The following SIRPB2 variants were observed in gnomAD, a reference collection of about 807,000 sequenced individuals.
SIRPB2 encodes signal regulatory protein beta 2.
A neutral mutation model predicts 27.1 loss-of-function variants in SIRPB2; 18 were observed. The observed-to-expected ratio is 0.66, with a 90% CI of 0.46 to 0.98. The LOEUF (loss-of-function observed/expected upper bound fraction) is 0.98, where lower values mean the gene tolerates loss of function less well. Among genes scored for constraint, SIRPB2 ranks in the 50% least tolerant of loss-of-function variants. The probability of loss-of-function intolerance (pLI) is 0.00; values close to 1 mark genes in which losing one functional copy is unlikely to be tolerated. For missense variants in SIRPB2, 420 were observed against 417.4 expected (o/e 1.01, Z -0.06); for synonymous variants, 150 against 164.6 (o/e 0.91, Z 0.68).
chr20:1,485,491 C>G (rs907305900), intron 1 of SIRPB2, among the ~76,000 whole-genome samples: 4 of 151,948 alleles, frequency 2.6e-5, no homozygotes, highest in African/African-American at 9.7e-5. Flanking sequence ...TATTAAATGC[C>G]TATATTTGGA....
chr20:1,482,636 C>T lies in SIRPB2; in HGVS notation c.86-2571G>A, dbSNP rs184145937. Among the ~76,000 whole-genome samples the T allele has an allele frequency of 1.1e-4, 16 of 139,472 alleles. No individual in the cohort carries two copies. The East Asian group carries it at 3.0e-3, about 27-fold the overall frequency. 91.5% of individuals were successfully genotyped at this position (139,472 alleles called of 152,430 possible). Reference sequence around the variant, plus strand: ...TTTTTGGAGTGCAATGGCACTATCTCGGCTCACTGCAACCTCCGCCTCCCA... The same window carrying T: ...TTTTTGGAGTGCAATGGCACTATCTTGGCTCACTGCAACCTCCGCCTCCCA... On this transcript the variant is annotated intron_variant, in intron 1 of 4. Transcript: ENST00000359801.
At position 1,478,441 on chromosome 20, in the gene SIRPB2, G is replaced by T; in HGVS notation, c.618C>A (p.Asn206Lys). The T allele has an allele frequency of 6.2e-7, 1 of 1,614,210 alleles. No individual in the cohort carries two copies. Among genetic ancestry groups the T allele is most frequent in the Non-Finnish European group, 8.5e-7 (1 of 1,180,048 alleles). The change falls in exon 3 of 5, where the codon AAC (asparagine) becomes AAA (lysine). Residue 206 changes from asparagine to lysine, a missense_variant. By Grantham distance (94) the Asn-to-Lys change is moderately conservative (BLOSUM62 0). Transcript: ENST00000359801. ...CCTTGGGGTGGGAGATGCCTCCAAA[G>T]TTGTAAATGGCCTCCCGGCTCAGAC... ...GAGLSREAIY[N>K]FGGISHPKET...
chr20:1,484,217 A>C (rs762155017), intron 1 of SIRPB2, among the ~76,000 whole-genome samples: 2 of 152,192 alleles, frequency 1.3e-5, no homozygotes, highest in Non-Finnish European at 2.9e-5. Context: ...TAAAGATCTA[A>C]CTGTAGGACC....
chr20:1,483,146 A>G (rs933316674), intron 1 of SIRPB2, among the ~76,000 whole-genome samples: 2 of 142,074 alleles, frequency 1.4e-5, no homozygotes, highest in Non-Finnish European at 3.0e-5. Flanking sequence ...TTGCTCTGTC[A>G]CCCAGGCTCG....
At chr20:1,486,176 G>T (rs776190888) in intron 1 of SIRPB2, among the ~76,000 whole-genome samples, 2 of 151,182 alleles carry the variant, frequency 1.3e-5, no homozygotes, top group African/African-American at 4.9e-5. Context: ...AGGTTCAAGC[G>T]ATTCTCCTGC....
intron 1 of SIRPB2, among the ~76,000 whole-genome samples, chr20:1,487,053 A>G (rs1234723057): frequency 6.6e-6 from 1 of 152,218 alleles, no homozygotes; most frequent in East Asian, 1.9e-4. Flanking sequence ...TGTGCATATG[A>G]CATAATTAAA....
chr20:1,477,024 G>A lies in SIRPB2; in HGVS notation c.859+314C>T, dbSNP rs1053589676. ...CCAGGAGGCTTAGCTACAAAGCCAT[G>A]TTCTCCAGTGTCGCTGTGCATAGCC... On this transcript the variant is annotated intron_variant, in intron 4 of 4. Transcript: ENST00000359801. The A allele has an allele frequency of 3.4e-5, 44 of 1,305,842 alleles. No individual in the cohort carries two copies. In the African/African-American group the frequency reaches 5.7e-4, roughly 17 times the overall value. The allele number at this position is 1,305,842 out of a possible 1,614,324, so 80.9% of individuals were successfully genotyped here. A position where few individuals can be genotyped will look rare whatever the true frequency, so the allele number is the denominator to read the frequency against.
chr20:1,480,329 T>C (rs999345341), intron 1 of SIRPB2: 14 of 423,798 alleles, frequency 3.3e-5, no homozygotes, highest in Non-Finnish European at 5.5e-5. Context: ...TGTCACTTAT[T>C]CTTCACAATG....
intron 3 of SIRPB2, 50 bp downstream of exon 3, chr20:1,478,216 G>T: frequency 6.4e-7 from 1 of 1,561,344 alleles, no homozygotes. Flanking sequence ...AAAAATTCCT[G>T]TTGAATACCT....
chr20:1,474,144 C>A (rs965475444), downstream of SIRPB2, among the ~76,000 whole-genome samples: 20 of 152,212 alleles, frequency 1.3e-4, no homozygotes, highest in Non-Finnish European at 1.3e-4. Flanking sequence ...TTAGGGCTCA[C>A]TTAGATAATC....
chr20:1,479,314 C>T (rs899603533), intron 2 of SIRPB2: 7 of 254,660 alleles, frequency 2.7e-5, no homozygotes, highest in African/African-American at 1.3e-4. Flanking sequence ...ACACTCTTAC[C>T]TTTGGTGCAT....
At chr20:1,478,930 G>T (rs1234442821) in intron 2 of SIRPB2, among the ~76,000 whole-genome samples, 7 of 152,200 alleles carry the variant, frequency 4.6e-5, no homozygotes, top group Non-Finnish European at 1.0e-4. Context: ...TACAGAGGAG[G>T]CACCATCATA....
chr20:1,479,859 T>C lies in SIRPB2; in HGVS notation c.292A>G (p.Met98Val), dbSNP rs756578648. The stretch of plus-strand genomic sequence containing the variant: ...AGTGGTTCTGATGTCCGTTGGATCA[T>C]GGGCATTACCCCAGGGAAGGAGCCA... ...KRGSFPGVMP[M>V]IQRTSEPLNC... The change falls in exon 2 of 5, where the codon ATG becomes GTG. Residue 98 changes from methionine to valine, a missense_variant. Coordinates refer to ENST00000359801, the MANE Select transcript of SIRPB2 (RefSeq NM_001122962.2). The C allele has an allele frequency of 6.8e-6, 11 of 1,614,262 alleles. No individual in the cohort carries two copies. The highest frequency in any genetic ancestry group is 9.3e-6 in the Non-Finnish European group (11 of 1,180,056).
At position 1,478,502 on chromosome 20, in the gene SIRPB2, C is replaced by T. The variant is rs1362855742; in HGVS notation, c.557G>A (p.Gly186Asp). Residue 186 changes from glycine (G) to aspartate (D), a missense_variant, in exon 3 of 5, where the codon GGT becomes GAT. Coordinates refer to ENST00000359801, the MANE Select transcript of SIRPB2 (RefSeq NM_001122962.2). ...GAACCACCTGATGGGTCCAGGGGGA[C>T]CGTCTCCAAGCACTGTGCAGTTCAG... ...VFLNCTVLGD[G>D]PPGPIRWFQG... 8.7e-6 allele frequency: 14 copies of T among 1,613,966 alleles called. No individual in the cohort carries two copies. Among genetic ancestry groups the T allele is most frequent in the Non-Finnish European group, 1.2e-5 (14 of 1,180,018 alleles).
chr20:1,471,291 C>G (rs2090580682), downstream of SIRPB2, among the ~76,000 whole-genome samples: 2 of 152,194 alleles, frequency 1.3e-5, no homozygotes, highest in Non-Finnish European at 1.5e-5. Context: ...TCCAGTTCTA[C>G]TTGTGGGTGT....
intron 1 of SIRPB2, among the ~76,000 whole-genome samples, chr20:1,489,876 C>T (rs1364722131): frequency 2.0e-5 from 3 of 152,120 alleles, no homozygotes; most frequent in African/African-American, 7.2e-5. Context: ...GAATGCAGGT[C>T]CCTTGTTCAA....
intron 3 of SIRPB2, among the ~76,000 whole-genome samples, chr20:1,477,872 A>G (rs2090621843): frequency 6.6e-6 from 1 of 152,086 alleles, no homozygotes; most frequent in Admixed American, 6.6e-5. Context: ...ACGGGGTTTC[A>G]CCGTGTTGGT....
intron 1 of SIRPB2, among the ~76,000 whole-genome samples, chr20:1,486,814 A>T (rs1393180181): frequency 6.6e-6 from 1 of 152,222 alleles, no homozygotes; most frequent in Non-Finnish European, 1.5e-5. Flanking sequence ...CAAACTGGGA[A>T]GACAAGGAAG....
intron 1 of SIRPB2, among the ~76,000 whole-genome samples, chr20:1,489,485 A>G (rs2090757066): frequency 1.3e-5 from 2 of 152,170 alleles, no homozygotes; most frequent in Admixed American, 6.5e-5. Flanking sequence ...GCTAGGGGTG[A>G]GTCTGGGGAA....
Sources: allele counts gnomAD v4.1 joint callset (sites outside exome capture counted in the v4.1 genomes callset), GRCh38; gene constraint gnomAD v4.1.1; transcripts MANE v1.5; gene names NCBI Gene and HGNC (gene_info 2026-07-23, HGNC 2026-07-21).